Variants in ITGAL observed in about 807,000 individuals in gnomAD.
ITGAL encodes integrin alpha-L.
ITGAL carries 68 observed loss-of-function variants against 138.4 expected under a neutral mutation model. That is an observed-to-expected ratio of 0.49 (90% CI 0.40 to 0.60). The LOEUF is 0.60. Among genes scored for constraint, ITGAL ranks in the 20% least tolerant of loss-of-function variants. The pLI is 0.00. For missense variants in ITGAL, 1,256 were observed against 1,478.6 expected (o/e 0.85, Z 2.47); for synonymous variants, 561 against 584.3 (o/e 0.96, Z 0.57).
intron 11 of ITGAL, among the ~76,000 whole-genome samples, chr16:30,491,462 A>C (rs904632100): frequency 6.6e-6 from 1 of 152,094 alleles, no homozygotes; most frequent in African/African-American, 2.4e-5. Flanking sequence ...CACTATACAC[A>C]CACATAAATA....
intron 6 of ITGAL, chr16:30,480,454 C>G (rs953968803): frequency 4.6e-5 from 7 of 152,096 alleles, no homozygotes; most frequent in African/African-American, 1.7e-4. Flanking sequence ...GGCGTAGCTT[C>G]AGTCAGGTGT....
rs2051256852 is a variant in ITGAL, at chr16:30,521,698, C to A, written c.*33C>A. On this transcript the variant is annotated 3_prime_UTR_variant, in exon 31 of 31. Coordinates refer to ENST00000356798, the MANE Select transcript of ITGAL (RefSeq NM_002209.3). ...CCTGTGAGGTGCAGAGTGCCCAGAACTGGACTCAGGATGCCCAGGGCCACT... is the reference window on the plus strand; with the variant it reads ...CCTGTGAGGTGCAGAGTGCCCAGAAATGGACTCAGGATGCCCAGGGCCACT... 1.2e-6 allele frequency: 2 copies of A among 1,600,792 alleles called. No homozygotes were observed. The highest frequency in any genetic ancestry group is 2.2e-5 in the East Asian group (1 of 44,642).
chr16:30,501,696 T>C (rs776948972), intron 17 of ITGAL, among the ~76,000 whole-genome samples: 5 of 151,902 alleles, frequency 3.3e-5, no homozygotes, highest in African/African-American at 4.8e-5. Context: ...TTTTTTAAAG[T>C]TTTTAAATTA....
At chr16:30,504,150 T>C (rs2151165465) in intron 17 of ITGAL, 25 bp from the exon 18 acceptor site, 1 of 1,540,844 alleles carries the variant, frequency 6.5e-7, no homozygotes, top group Non-Finnish European at 9.0e-7. Flanking sequence ...ATTCATGACA[T>C]AGGCTGTATT....
rs1301633274 is a variant in ITGAL, at chr16:30,521,877, C to T, written c.*212C>T. 1.9e-6 allele frequency: 1 copy of T among 535,856 alleles called. No homozygotes were observed. Among genetic ancestry groups the T allele is most frequent in the Non-Finnish European group, 3.3e-6 (1 of 302,438 alleles). The allele number at this position is 535,856 out of a possible 1,614,324, so 33.2% of individuals were successfully genotyped here. ...GCTGAGGGACCAGCCAAGAGGGCTG[C>T]AAAAGTGAGGGCTTGTCATTACCAG... On this transcript the variant is annotated 3_prime_UTR_variant, in exon 31 of 31. Transcript: ENST00000356798.
intron 15 of ITGAL, 119 bp downstream of exon 15, chr16:30,496,685 A>G: frequency 1.1e-6 from 1 of 940,486 alleles, no homozygotes; most frequent in Non-Finnish European, 1.5e-6. Flanking sequence ...TTTGTTGCTC[A>G]GGCTGGAGTG....
At chr16:30,520,064 A>AT in intron 30 of ITGAL, 97 bp downstream of exon 30, 2 of 898,882 alleles carry the variant, frequency 2.2e-6, no homozygotes, top group Middle Eastern at 2.5e-4. Flanking sequence ...GCCAGAGGGC[A>AT]TAAGAGCCAG....
chr16:30,494,943 G>T lies in ITGAL; in HGVS notation c.1503+93G>T. 7.1e-7 allele frequency: 1 copy of T among 1,411,326 alleles called. No homozygotes were observed. The highest frequency in any genetic ancestry group is 9.5e-7 in the Non-Finnish European group (1 of 1,048,864). The allele number at this position is 1,411,326 out of a possible 1,614,324, so 87.4% of individuals were successfully genotyped here. On this transcript the variant is annotated intron_variant, in intron 13 of 30. Transcript: ENST00000356798. This position sits in a 1 kb window ranked among gnomAD's most constrained non-coding sequence, Gnocchi z 4.2. ...CTGAAGGCTTTCTCTGTCTGGTCAC[G>T]TGGCGATCAAACTTTTAGAACGACA...
intron 25 of ITGAL, among the ~76,000 whole-genome samples, chr16:30,516,232 ATTT>A (rs201896943): frequency 1.4e-5 from 2 of 144,008 alleles, no homozygotes; most frequent in Non-Finnish European, 3.1e-5. Context: ...GTGCTCAGAA[ATTT>A]TTTTTTTTTT....
At chr16:30,484,367 G>A in intron 9 of ITGAL, 104 bp downstream of exon 9, 2 of 1,106,352 alleles carry the variant, frequency 1.8e-6, no homozygotes, top group African/African-American at 1.6e-5. Context: ...CCAGCACTTT[G>A]GGAGGCCGAG....
At chr16:30,518,822 C>A in intron 29 of ITGAL, 103 bp downstream of exon 29, 1 of 836,026 alleles carries the variant, frequency 1.2e-6, no homozygotes, top group Non-Finnish European at 2.0e-6. Flanking sequence ...CTGTGCGAGT[C>A]AGAACTTCCC....
At chr16:30,478,977 T>C in intron 4 of ITGAL, 114 bp from the exon 5 acceptor site, 1 of 775,046 alleles carries the variant, frequency 1.3e-6, no homozygotes, top group South Asian at 1.6e-5. Context: ...ACCAGTTGGA[T>C]AGAGGAAGTG....
intron 18 of ITGAL, among the ~76,000 whole-genome samples, chr16:30,504,715 G>GA (rs576084948): frequency 1.6e-3 from 200 of 121,872 alleles, no homozygotes; most frequent in Admixed American, 3.3e-3. Context: ...CTCTAAAGAA[G>GA]AAAAAAAAAA....
intron 11 of ITGAL, among the ~76,000 whole-genome samples, chr16:30,493,245 C>CATTTTATTTTATTTCATTTT (rs2050748933): frequency 7.2e-6 from 1 of 139,792 alleles, no homozygotes; most frequent in African/African-American, 2.7e-5. Flanking sequence ...TAATATATAC[C>CATTTTATTTTATTTCATTTT]ATTTTATTTT....
intron 11 of ITGAL, among the ~76,000 whole-genome samples, chr16:30,490,341 C>T (rs1402653784): frequency 3.9e-5 from 6 of 152,082 alleles, no homozygotes; most frequent in Non-Finnish European, 4.4e-5. Flanking sequence ...GTTCCTCTGC[C>T]CTAAATCAGC....
At chr16:30,514,613 G>A (rs145835379) in intron 25 of ITGAL, among the ~76,000 whole-genome samples, 1 of 151,584 alleles carries the variant, frequency 6.6e-6, no homozygotes, top group Non-Finnish European at 1.5e-5. Context: ...TTGTAGAGGC[G>A]GAGTTTTGCC....
chr16:30,477,577 T>C (rs1277508533), intron 4 of ITGAL, among the ~76,000 whole-genome samples: 2 of 151,602 alleles, frequency 1.3e-5, no homozygotes, highest in African/African-American at 2.4e-5. Context: ...AAGATGACCA[T>C]GATACAAGCC....
intron 11 of ITGAL, among the ~76,000 whole-genome samples, chr16:30,490,555 C>A (rs775270611): frequency 6.6e-6 from 1 of 152,174 alleles, no homozygotes; most frequent in Non-Finnish European, 1.5e-5. Context: ...CCCTCTCTGG[C>A]CCTGCATGGC....
At chr16:30,501,577 C>CA (rs56687910) in intron 17 of ITGAL, among the ~76,000 whole-genome samples, 131 of 117,532 alleles carry the variant, frequency 1.1e-3, no homozygotes, top group Middle Eastern at 4.3e-3. Context: ...AACTCCATCT[C>CA]AAAAAAAAAA....
Sources: gnomAD v4.1 joint callset for allele counts (sites outside exome capture counted in the v4.1 genomes callset) on GRCh38, gnomAD v4.1.1 for gene constraint, Gnocchi (gnomAD v3.1) non-coding constraint, MANE v1.5 for transcripts, NCBI Gene and HGNC (gene_info 2026-07-23, HGNC 2026-07-21) for gene names.